MATR3: variants seen among roughly 807,000 people sequenced by gnomAD.
MATR3 encodes matrin 3.
Under a neutral mutation model 85.5 loss-of-function variants are expected in MATR3, and 4 were observed. That is an observed-to-expected ratio of 0.05 (90% CI 0.02 to 0.11). The LOEUF is 0.11. Ranked by LOEUF, MATR3 falls within the 10% of genes least tolerant of loss-of-function variation. The pLI is 1.00. For missense variants in MATR3, 685 were observed against 1,016.1 expected (o/e 0.67, Z 4.43); for synonymous variants, 336 against 343.1 (o/e 0.98, Z 0.23).
At chr5:139,326,332 T>G (rs759773408) in intron 14 of MATR3, 48 bp downstream of exon 14, 4 of 1,587,576 alleles carry the variant, frequency 2.5e-6, no homozygotes, top group Non-Finnish European at 3.5e-6. Context: ...TAACAAGTTA[T>G]GGAAATAAGT....
At position 139,309,977 on chromosome 5, in the gene MATR3, A is replaced by G. The variant is rs183418653; in HGVS notation, c.912+1650A>G. On this transcript the variant is annotated intron_variant, in intron 2 of 14. Coordinates refer to ENST00000394805, the MANE Select transcript of MATR3 (RefSeq NM_018834.6). The stretch of plus-strand genomic sequence containing the variant: ...GATAGTTACAAGTGTCTCAAATGAG[A>G]GTGATGTGAAGGGACTTAAAAAATC... The G allele has an allele frequency of 2.6e-5, 4 of 152,288 alleles. No homozygotes were observed. In the East Asian group the frequency reaches 7.7e-4, roughly 29 times the overall value. 9.4% of individuals were successfully genotyped at this position (152,288 alleles called of 1,614,324 possible).
chr5:139,274,218 G>T, intron 1 of MATR3: 1 of 371,608 alleles, frequency 2.7e-6, no homozygotes, highest in Non-Finnish European at 5.2e-6. Context: ...GGGGAAAGAA[G>T]CAGTGCAGGG....
chr5:139,331,120 C>T lies in MATR3; in HGVS notation c.*1725C>T, dbSNP rs1756125086. 6.6e-6 allele frequency: 3 copies of T among 453,904 alleles called. No individual in the cohort carries two copies. Among genetic ancestry groups the T allele is most frequent in the South Asian group, 1.6e-5 (1 of 64,472 alleles). The allele number at this position is 453,904 out of a possible 1,614,324, so 28.1% of individuals were successfully genotyped here. On this transcript the variant is annotated 3_prime_UTR_variant, in exon 15 of 15. Coordinates refer to ENST00000394805, the MANE Select transcript of MATR3 (RefSeq NM_018834.6). ...AACAAAGTTTTAATTTCAAAAAAAT[C>T]TACAAAAACAGGATAGGCATTGTCT...
chr5:139,300,289 C>G (rs1414213995), intron 1 of MATR3, among the ~76,000 whole-genome samples: 2 of 152,132 alleles, frequency 1.3e-5, no homozygotes, highest in Admixed American at 1.3e-4. Context: ...CACGGGAACC[C>G]GAGAGGCGGA....
chr5:139,299,920 TG>T (rs2151939911), intron 1 of MATR3: 1 of 152,366 alleles, frequency 6.6e-6, no homozygotes, highest in South Asian at 2.1e-4. Flanking sequence ...GTGTTGGGCC[TG>T]GTTAGTGCTT....
At chr5:139,304,533 T>C (rs1453829883) in intron 1 of MATR3, among the ~76,000 whole-genome samples, 1 of 151,842 alleles carries the variant, frequency 6.6e-6, no homozygotes, top group Non-Finnish European at 1.5e-5. Flanking sequence ...GTTATCAAGA[T>C]TGTAGTAAAT....
At position 139,279,439 on chromosome 5, in the gene MATR3, G is replaced by A. The variant is rs1044381867; in HGVS notation, c.-178+310G>A. 5 of 228,832 alleles carry A rather than the reference G, an allele frequency of 2.2e-5. No homozygotes were observed. The East Asian group carries it at 5.6e-4, about 25-fold the overall frequency. 14.2% of individuals were successfully genotyped at this position (228,832 alleles called of 1,614,324 possible). On this transcript the variant is annotated intron_variant, in intron 3 of 16. Transcript: ENST00000509990. ...AGACGAGGTTTCACCATATTGGCCA[G>A]GCTGGTCTGAAACTCCTGACCTTGC...
chr5:139,312,434 A>G (rs993583580), intron 2 of MATR3: 1 of 152,248 alleles, frequency 6.6e-6, no homozygotes, highest in Admixed American at 6.5e-5. Context: ...CCAAGAAGGC[A>G]GTGGTCCATT....
At chr5:139,282,718 A>G (rs1294630294) in intron 3 of MATR3, 1 of 152,232 alleles carries the variant, frequency 6.6e-6, no homozygotes, top group Non-Finnish European at 1.5e-5. Context: ...GTTTTTATGT[A>G]ATGTCTTTTG....
chr5:139,300,086 A>ACT (rs1360598829), intron 1 of MATR3: 3 of 152,154 alleles, frequency 2.0e-5, no homozygotes, highest in African/African-American at 7.2e-5. Context: ...GTTGAAAGTT[A>ACT]CTACCAGTTG....
intron 14 of MATR3, among the ~76,000 whole-genome samples, chr5:139,328,753 G>C (rs994907722): frequency 4.6e-5 from 7 of 152,188 alleles, no homozygotes; most frequent in Non-Finnish European, 1.0e-4. Context: ...TGTAATCCCA[G>C]CACTTTGGGA....
rs767576295 is a variant in MATR3 at position 139,329,569 on chromosome 5, CAT to C, written c.*177_*178del. 4.6e-5 allele frequency: 29 copies of C among 633,464 alleles called. No homozygotes were observed. Among genetic ancestry groups the C allele is most frequent in the African/African-American group, 9.1e-5 (5 of 54,848 alleles). The allele number at this position is 633,464 out of a possible 1,614,324, so 39.2% of individuals were successfully genotyped here. Reference sequence around the variant, plus strand: ...TAAGTGTTATAGCAAAAAAAATACACATATGGTTAAGTTAATGAATAGTTTTT... The same window carrying C: ...TAAGTGTTATAGCAAAAAAAATACACATGGTTAAGTTAATGAATAGTTTTT... On this transcript the variant is annotated 3_prime_UTR_variant, in exon 15 of 15. Transcript: ENST00000394805.
At chr5:139,276,213 A>T in intron 2 of MATR3, 1 of 456,638 alleles carries the variant, frequency 2.2e-6, no homozygotes, top group South Asian at 1.5e-5. Flanking sequence ...GTTGTCTTGT[A>T]CCTAGGCAAG....
At position 139,331,554 on chromosome 5, in the gene MATR3, G is replaced by T; in HGVS notation, c.*2159G>T. The T allele has an allele frequency of 2.2e-6, 1 of 454,084 alleles. No homozygotes were observed. Among genetic ancestry groups the T allele is most frequent in the Non-Finnish European group, 4.4e-6 (1 of 226,778 alleles). The allele number at this position is 454,084 out of a possible 1,614,324, so 28.1% of individuals were successfully genotyped here. ...TCGATTACGAGAAAACCTCTTTTTA[G>T]TAGGAATGTTTCCACTCATGTTTGC... On this transcript the variant is annotated 3_prime_UTR_variant, in exon 15 of 15. Coordinates refer to ENST00000394805, the MANE Select transcript of MATR3 (RefSeq NM_018834.6).
chr5:139,328,363 GA>G (rs961984616), intron 14 of MATR3, among the ~76,000 whole-genome samples: 20 of 152,170 alleles, frequency 1.3e-4, no homozygotes, highest in Non-Finnish European at 2.8e-4. Flanking sequence ...ATATAAAGTT[GA>G]AATTCCAATG....
At chr5:139,305,786 G>A (rs1400677463) in intron 1 of MATR3, among the ~76,000 whole-genome samples, 1 of 151,948 alleles carries the variant, frequency 6.6e-6, no homozygotes, top group Non-Finnish European at 1.5e-5. Context: ...TGTAACTCCA[G>A]CCACCTCTTA....
intron 14 of MATR3, among the ~76,000 whole-genome samples, chr5:139,328,458 G>A (rs1337029096): frequency 2.0e-5 from 3 of 152,152 alleles, no homozygotes; most frequent in Admixed American, 6.6e-5. Context: ...TGGAGCTCCC[G>A]TGTCTAGAAA....
rs192962576 is a variant in MATR3, at chr5:139,328,528, C to A, written c.2494-817C>A. 2.0e-5 allele frequency among the ~76,000 whole-genome samples: 3 copies of A among 152,216 alleles called. No homozygotes were observed. The East Asian group carries it at 5.8e-4, about 29-fold the overall frequency. On this transcript the variant is annotated intron_variant, in intron 14 of 14. Transcript: ENST00000394805. ...CAAGCTACACTCGTGGCTCAGTCAT[C>A]TGTTTTTGTAAGGTTTTATTAGAAC...
chr5:139,317,490 T>TA (rs764751921), intron 6 of MATR3, 106 bp from the exon 7 acceptor site: 480 of 1,127,924 alleles, frequency 4.3e-4, no homozygotes, highest in Non-Finnish European at 5.5e-4. Context: ...TTGTTTTACT[T>TA]ACACTCTCCT....
Sources: gnomAD v4.1 joint callset for allele counts (sites outside exome capture counted in the v4.1 genomes callset) on GRCh38, gnomAD v4.1.1 for gene constraint, MANE v1.5 for transcripts, NCBI Gene and HGNC (gene_info 2026-07-23, HGNC 2026-07-21) for gene names.